TM9SF3: variants seen among roughly 807,000 people sequenced by gnomAD.
TM9SF3 encodes the protein transmembrane 9 superfamily member 3.
In TM9SF3, 14 loss-of-function variants were observed where a neutral mutation model predicts 78.6. The observed-to-expected ratio is 0.18, with a 90% CI of 0.12 to 0.28. The LOEUF is 0.28. Ranked by LOEUF, TM9SF3 falls within the 10% of genes least tolerant of loss-of-function variation. TM9SF3 has a pLI of 1.00. For synonymous variants in TM9SF3, 231 were observed against 241.7 expected (o/e 0.96, Z 0.41); for missense variants, 496 against 721.9 (o/e 0.69, Z 3.59).
chr10:96,564,585 T>C (rs751197339), intron 3 of TM9SF3, among the ~76,000 whole-genome samples: 1 of 152,276 alleles, frequency 6.6e-6, no homozygotes, highest in African/African-American at 2.4e-5. Flanking sequence ...GTTCAGACTT[T>C]GATAGTTTAC....
At position 96,527,447 on chromosome 10, in the gene TM9SF3, T is replaced by C. The variant is rs774340208; in HGVS notation, c.1591A>G (p.Met531Val). 13 of 1,611,420 alleles carry C rather than the reference T, an allele frequency of 8.1e-6. No homozygotes were observed. In the East Asian group the frequency reaches 1.6e-4, roughly 19 times the overall value. ...SAASTAIYVY[M>V]YSFYYYFFKT... ...AAAAAATAGTAGTAAAAGGAATACA[T>C]GTAAACATAGATTGCAGTTGATGCA... Residue 531 changes from methionine (M) to valine (V), a missense_variant, in exon 13 of 15, where the codon ATG (methionine) becomes GTG (valine). Met to Val is a conservative substitution (Grantham distance 21). This residue lies in a region of TM9SF3 where 280 missense variants were observed against 422.6 expected (regional missense o/e 0.66). Coordinates refer to ENST00000371142, the MANE Select transcript of TM9SF3 (RefSeq NM_020123.4).
At chr10:96,555,778 A>G (rs973639024) in intron 5 of TM9SF3, among the ~76,000 whole-genome samples, 5 of 152,190 alleles carry the variant, frequency 3.3e-5, no homozygotes, top group African/African-American at 1.2e-4. Flanking sequence ...GTTTATTGTA[A>G]AAGTATCATT....
chr10:96,545,377 C>T (rs1038291029), intron 8 of TM9SF3, among the ~76,000 whole-genome samples: 1 of 152,178 alleles, frequency 6.6e-6, no homozygotes, highest in Non-Finnish European at 1.5e-5. Flanking sequence ...AAAATCATAA[C>T]GTTCCTCCAG....
At position 96,520,957 on chromosome 10, in the gene TM9SF3, T is replaced by G. The variant is rs1847760738; in HGVS notation, c.*1306A>C. 2.5e-6 allele frequency: 1 copy of G among 396,954 alleles called. No individual in the cohort carries two copies. The highest frequency in any genetic ancestry group is 1.3e-4 in the South Asian group (1 of 7,844). 24.6% of individuals were successfully genotyped at this position (396,954 alleles called of 1,614,324 possible). A position where few individuals can be genotyped will look rare whatever the true frequency, so the allele number is the denominator to read the frequency against. On this transcript the variant is annotated 3_prime_UTR_variant, in exon 15 of 15. Coordinates refer to ENST00000371142, the MANE Select transcript of TM9SF3 (RefSeq NM_020123.4). ...TCTGGACAGAAAGATATCTTCAAAT[T>G]GCAAACACATCTATTTCCACAAAAC... is the stretch of plus-strand genomic sequence containing the variant.
At chr10:96,548,249 T>C (rs931987384) in intron 7 of TM9SF3, among the ~76,000 whole-genome samples, 6 of 152,188 alleles carry the variant, frequency 3.9e-5, no homozygotes, top group Non-Finnish European at 5.9e-5. Context: ...AAGCAAGTAT[T>C]TCATATTTAT....
chr10:96,529,648 A>T (rs868295912), intron 11 of TM9SF3, among the ~76,000 whole-genome samples: 911 of 69,548 alleles, frequency 0.013, 13 homozygotes, highest in African/African-American at 0.046. Flanking sequence ...CTCTATATTT[A>T]AAAAAAAAAA....
chr10:96,535,296 G>GA (rs1847944585), intron 9 of TM9SF3, among the ~76,000 whole-genome samples: 1 of 152,052 alleles, frequency 6.6e-6, no homozygotes, highest in South Asian at 2.1e-4. Flanking sequence ...GAAGTTACTT[G>GA]AAAAATACTC....
intron 9 of TM9SF3, among the ~76,000 whole-genome samples, chr10:96,536,902 C>T (rs944222425): frequency 1.2e-4 from 18 of 152,186 alleles, no homozygotes; most frequent in Admixed American, 7.9e-4. Flanking sequence ...CTTAAGTGAT[C>T]CTTCTGCCTC....
Position 96,586,727 on chromosome 10 carries a change from G to A in TM9SF3, c.102+7C>T, listed in dbSNP as rs2134166337. 2.4e-6 allele frequency: 3 copies of A among 1,227,586 alleles called. No individual in the cohort carries two copies. The highest frequency in any genetic ancestry group is 7.4e-5 in the South Asian group (2 of 27,052). The allele number at this position is 1,227,586 out of a possible 1,614,324, so 76.0% of individuals were successfully genotyped here. On this transcript the variant is annotated splice_region_variant and intron_variant, in intron 1 of 14. Coordinates refer to ENST00000371142, the MANE Select transcript of TM9SF3 (RefSeq NM_020123.4). ...CCGGGGCGGCCGCGCCGGCCGGGGC[G>A]CCTCACCGTGTGTTCGTGCTCGTCC...
At chr10:96,562,596 C>A (rs901792474) in intron 3 of TM9SF3, among the ~76,000 whole-genome samples, 11 of 152,072 alleles carry the variant, frequency 7.2e-5, no homozygotes, top group African/African-American at 2.7e-4. Context: ...TCTACCCATT[C>A]CCAGTAAGAT....
In TM9SF3 at chr10:96,522,116, T is replaced by C. The variant is rs1242596381; in HGVS notation, c.*147A>G. On this transcript the variant is annotated 3_prime_UTR_variant, in exon 15 of 15. Coordinates refer to ENST00000371142, the MANE Select transcript of TM9SF3 (RefSeq NM_020123.4). Reference sequence around the variant, plus strand: ...ACCTAGGATCAATGGAAATAGATGTTACTTTAAGCCACCGACGAAAGAGAG... The same window carrying C: ...ACCTAGGATCAATGGAAATAGATGTCACTTTAAGCCACCGACGAAAGAGAG... The C allele has an allele frequency of 1.7e-5, 11 of 650,430 alleles. No individual in the cohort carries two copies. Among genetic ancestry groups the C allele is most frequent in the Middle Eastern group, 2.4e-4 (1 of 4,116 alleles). 40.3% of individuals were successfully genotyped at this position (650,430 alleles called of 1,614,324 possible).
intron 9 of TM9SF3, among the ~76,000 whole-genome samples, chr10:96,537,702 T>C (rs1847976574): frequency 6.6e-6 from 1 of 152,020 alleles, no homozygotes; most frequent in Non-Finnish European, 1.5e-5. Context: ...CGTGGTGACG[T>C]GCACCTGTAA....
At chr10:96,571,015 A>C (rs1185727198) in intron 2 of TM9SF3, among the ~76,000 whole-genome samples, 1 of 152,220 alleles carries the variant, frequency 6.6e-6, no homozygotes, top group African/African-American at 2.4e-5. Context: ...CTGGGATTAC[A>C]GGCCATGAGC....
rs781157739 is a variant in TM9SF3 at position 96,586,873 on chromosome 10, TCCTCCTCCCGCCGCCG to T, written c.-54_-39del. 2.4e-3 allele frequency: 2,822 copies of T among 1,181,352 alleles called. 12 individuals are homozygous for T. The highest frequency in any genetic ancestry group is 4.0e-3 in the South Asian group (100 of 24,788). The allele number at this position is 1,181,352 out of a possible 1,614,324, so 73.2% of individuals were successfully genotyped here. A position where few individuals can be genotyped will look rare whatever the true frequency, so the allele number is the denominator to read the frequency against. On this transcript the variant is annotated 5_prime_UTR_variant, in exon 1 of 15. It removes the in-frame stop codon of an upstream open reading frame in the 5' UTR. Transcript: ENST00000371142. ...TCCGGCCCGGAGCCGGCTCACCGAC[TCCTCCTCCCGCCGCCG>T]CCTCCTCCGCCGCCGCCGCCTCCGC...
chr10:96,534,981 A>G (rs1295005947), intron 9 of TM9SF3, among the ~76,000 whole-genome samples: 12 of 152,158 alleles, frequency 7.9e-5, no homozygotes, highest in Admixed American at 7.2e-4. Flanking sequence ...CCTCATCCCA[A>G]TTAAGGCCTG....
chr10:96,542,349 A>C (rs889074442), intron 9 of TM9SF3, among the ~76,000 whole-genome samples: 1 of 152,234 alleles, frequency 6.6e-6, no homozygotes, highest in South Asian at 2.1e-4. Flanking sequence ...CCTGCCAAGT[A>C]CCAACAGTTA....
At chr10:96,529,647 T>A (rs868154862) in intron 11 of TM9SF3, among the ~76,000 whole-genome samples, 6 of 147,792 alleles carry the variant, frequency 4.1e-5, no homozygotes, top group East Asian at 2.0e-4. Flanking sequence ...GCTCTATATT[T>A]AAAAAAAAAA....
intron 9 of TM9SF3, among the ~76,000 whole-genome samples, chr10:96,540,201 C>CT (rs1167974161): frequency 6.6e-6 from 1 of 152,106 alleles, no homozygotes; most frequent in Non-Finnish European, 1.5e-5. Flanking sequence ...CACCATGTCT[C>CT]TAAGTTATTA....
At chr10:96,551,685 A>T (rs1234220955) in intron 6 of TM9SF3, among the ~76,000 whole-genome samples, 1 of 152,176 alleles carries the variant, frequency 6.6e-6, no homozygotes, top group Non-Finnish European at 1.5e-5. Flanking sequence ...GAAATGGTCA[A>T]ATTGGGAGAA....
Sources: gnomAD v4.1 joint callset for allele counts (sites outside exome capture counted in the v4.1 genomes callset) on GRCh38, gnomAD v4.1.1 for gene constraint, gnomAD v4.1.1 regional missense constraint, MANE v1.5 for transcripts, NCBI Gene and HGNC (gene_info 2026-07-23, HGNC 2026-07-21) for gene names.